RFX3: variants seen among roughly 807,000 people sequenced by gnomAD.
The protein encoded by RFX3 is regulatory factor X3.
A neutral mutation model predicts 98.6 loss-of-function variants in RFX3; 14 were observed. That is an observed-to-expected ratio of 0.14 (90% CI 0.09 to 0.22). RFX3 has a LOEUF of 0.22. Among genes scored for constraint, RFX3 ranks in the 10% least tolerant of loss-of-function variants. RFX3 has a pLI of 1.00. For missense variants in RFX3, 639 were observed against 926.9 expected, an observed-to-expected ratio of 0.69 and a Z score of 4.03; for synonymous variants, 383 against 328.4, an observed-to-expected ratio of 1.17 and a Z score of -1.80.
At chr9:3,230,293 G>A (rs996295350) in intron 15 of RFX3, among the ~76,000 whole-genome samples, 1 of 152,118 alleles carries the variant, frequency 6.6e-6, no homozygotes, top group Non-Finnish European at 1.5e-5. Context: ...GGAGACAGGG[G>A]CCTCCTAGAC....
At chr9:3,374,512 T>C (rs1055144603) in intron 2 of RFX3, among the ~76,000 whole-genome samples, 4 of 152,212 alleles carry the variant, frequency 2.6e-5, no homozygotes, top group Admixed American at 6.5e-5. Flanking sequence ...TATATATCCA[T>C]ATAATGGAAT....
At chr9:3,370,497 A>G (rs910343516) in intron 2 of RFX3, among the ~76,000 whole-genome samples, 2 of 150,788 alleles carry the variant, frequency 1.3e-5, no homozygotes, top group African/African-American at 4.9e-5. Flanking sequence ...ACTATTAATT[A>G]TATATATATA....
Position 3,328,504 on chromosome 9 carries a change from G to A in RFX3, c.474+1755C>T, listed in dbSNP as rs150922884. Among the ~76,000 whole-genome samples the A allele has an allele frequency of 7.4e-3, 1,121 of 152,044 alleles. 8 individuals carry two copies. Among genetic ancestry groups the A allele is most frequent in the African/African-American group, 0.026 (1,062 of 41,492 alleles). Reference sequence around the variant, plus strand: ...ATAAATATACTGATGTGACTAAAAGGTTTAAAATACTGTATTTAATATTAT... The same window carrying A: ...ATAAATATACTGATGTGACTAAAAGATTTAAAATACTGTATTTAATATTAT... On this transcript the variant is annotated intron_variant, in intron 4 of 16. Coordinates refer to ENST00000617270, the MANE Select transcript of RFX3 (RefSeq NM_001282116.2).
intron 4 of RFX3, among the ~76,000 whole-genome samples, chr9:3,304,692 C>T (rs1039852704): frequency 6.6e-6 from 1 of 152,106 alleles, no homozygotes. Flanking sequence ...TCTCTCTTGC[C>T]TGCTGCCATG....
intron 5 of RFX3, among the ~76,000 whole-genome samples, chr9:3,300,761 T>C (rs775051354): frequency 6.6e-6 from 1 of 151,952 alleles, no homozygotes; most frequent in Non-Finnish European, 1.5e-5. Flanking sequence ...TTTTTCCATA[T>C]ATTCAGAAAT....
At chr9:3,301,695 G>C (rs982326066) in intron 4 of RFX3, 75 bp from the exon 5 acceptor site, 3 of 1,083,434 alleles carry the variant, frequency 2.8e-6, no homozygotes, top group Non-Finnish European at 4.1e-6. Flanking sequence ...ATTTCTGATA[G>C]ATTCTTTAAA....
intron 1 of RFX3, among the ~76,000 whole-genome samples, chr9:3,479,717 T>A (rs897732218): frequency 6.6e-6 from 1 of 152,196 alleles, no homozygotes; most frequent in Non-Finnish European, 1.5e-5. Flanking sequence ...CTTGGCTGAC[T>A]GAGGCCAAAA....
At chr9:3,287,589 T>A (rs185107524) in intron 7 of RFX3, among the ~76,000 whole-genome samples, 1 of 151,964 alleles carries the variant, frequency 6.6e-6, no homozygotes, top group African/African-American at 2.4e-5. Flanking sequence ...AGATCTATGA[T>A]TCTATTCATC....
At chr9:3,485,778 A>C (rs1850211967) in intron 1 of RFX3, among the ~76,000 whole-genome samples, 1 of 152,204 alleles carries the variant, frequency 6.6e-6, no homozygotes, top group Non-Finnish European at 1.5e-5. Flanking sequence ...TTTCCAAGCA[A>C]TTAGCATCAG....
At chr9:3,515,718 C>T (rs545538112) in intron 1 of RFX3, among the ~76,000 whole-genome samples, 1 of 152,228 alleles carries the variant, frequency 6.6e-6, no homozygotes, top group South Asian at 2.1e-4. Flanking sequence ...GTAAACTATG[C>T]TGACTGAGAC....
intron 4 of RFX3, among the ~76,000 whole-genome samples, chr9:3,323,564 A>G (rs1831547545): frequency 1.3e-5 from 2 of 152,160 alleles, no homozygotes; most frequent in African/African-American, 4.8e-5. Flanking sequence ...CCTGAGGTAC[A>G]GGTTACTTTA....
At chr9:3,323,334 T>C (rs774213233) in intron 4 of RFX3, among the ~76,000 whole-genome samples, 47 of 152,240 alleles carry the variant, frequency 3.1e-4, no homozygotes, top group Non-Finnish European at 4.1e-4. Flanking sequence ...CTGAGTCTAA[T>C]ATTGACTCAT....
chr9:3,286,217 C>G (rs2991288), intron 7 of RFX3, among the ~76,000 whole-genome samples: 13 of 151,732 alleles, frequency 8.6e-5, no homozygotes, highest in African/African-American at 2.7e-4. Context: ...GTAAAGGCTA[C>G]AAGTGCTGCC....
At position 3,234,774 on chromosome 9, in the gene RFX3, G is replaced by C. The variant is rs1044427906; in HGVS notation, c.1969-5885C>G. Among the ~76,000 whole-genome samples the C allele has an allele frequency of 1.1e-4, 17 of 152,346 alleles. No homozygotes were observed. The East Asian group carries it at 1.9e-3, about 17-fold the overall frequency. On this transcript the variant is annotated intron_variant, in intron 15 of 16. Coordinates refer to ENST00000617270, the MANE Select transcript of RFX3 (RefSeq NM_001282116.2). Reference sequence around the variant, plus strand: ...TTGCTGACACCTGACTAGAGGAACAGCTTGTAAGACCCTGGAAGACCTGCT... The same window carrying C: ...TTGCTGACACCTGACTAGAGGAACACCTTGTAAGACCCTGGAAGACCTGCT...
At chr9:3,471,030 A>C (rs985877938) in intron 1 of RFX3, among the ~76,000 whole-genome samples, 1 of 152,212 alleles carries the variant, frequency 6.6e-6, no homozygotes, top group East Asian at 1.9e-4. Flanking sequence ...ATCTACATTA[A>C]TGTAATTCTC....
At position 3,222,494 on chromosome 9, in the gene RFX3, A is replaced by C. The variant is rs946798677; in HGVS notation, c.*2548T>G. 3 of 152,232 alleles carry C rather than the reference A, an allele frequency of 2.0e-5. No individual in the cohort carries two copies. Among genetic ancestry groups the C allele is most frequent in the African/African-American group, 7.2e-5 (3 of 41,464 alleles). 9.4% of individuals were successfully genotyped at this position (152,232 alleles called of 1,614,324 possible). A position where few individuals can be genotyped will look rare whatever the true frequency, so the allele number is the denominator to read the frequency against. ...TACAAATATATCCAACATTAAATTA[A>C]ACAATGATAATAAATACATTTAAAG... is the stretch of plus-strand genomic sequence containing the variant. On this transcript the variant is annotated 3_prime_UTR_variant, in exon 17 of 17. Coordinates refer to ENST00000617270, the MANE Select transcript of RFX3 (RefSeq NM_001282116.2).
intron 2 of RFX3, among the ~76,000 whole-genome samples, chr9:3,365,265 A>G (rs1351545296): frequency 4.0e-5 from 6 of 148,202 alleles, no homozygotes; most frequent in African/African-American, 1.5e-4. Flanking sequence ...ACACCATTGC[A>G]CTCCAGCCTG....
chr9:3,500,842 C>G (rs1439325715), intron 1 of RFX3, among the ~76,000 whole-genome samples: 1 of 152,094 alleles, frequency 6.6e-6, no homozygotes, highest in African/African-American at 2.4e-5. Flanking sequence ...AATACTTAGT[C>G]AATTATTAGT....
intron 15 of RFX3, among the ~76,000 whole-genome samples, chr9:3,246,702 T>G (rs1023114297): frequency 6.6e-6 from 1 of 152,118 alleles, no homozygotes; most frequent in Non-Finnish European, 1.5e-5. Context: ...AAAGAGGCAA[T>G]GAGGGGAAGT....
Sources: gnomAD v4.1 joint callset for allele counts (sites outside exome capture counted in the v4.1 genomes callset) on GRCh38, gnomAD v4.1.1 for gene constraint, MANE v1.5 for transcripts, NCBI Gene and HGNC (gene_info 2026-07-23, HGNC 2026-07-21) for gene names.